Variants in GPR108 observed in about 807,000 individuals in gnomAD.
GPR108 encodes G protein-coupled receptor 108.
GPR108 carries 60 observed loss-of-function variants against 74.3 expected under a neutral mutation model. The observed-to-expected ratio is 0.81, with a 90% confidence interval of 0.66 to 1.00. GPR108 has a LOEUF of 1.00. Among genes scored for constraint, GPR108 ranks in the 50% least tolerant of loss-of-function variants. The pLI is 0.00. For synonymous variants in GPR108, 311 were observed against 292.4 expected, an observed-to-expected ratio of 1.06 and a Z score of -0.65; for missense variants, 667 against 703.3, an observed-to-expected ratio of 0.95 and a Z score of 0.58.
chr19:6,733,658 C>T lies in GPR108; in HGVS notation c.635G>A (p.Gly212Asp). ...SYNFSFHVVI[G>D]SQAEEGQYSL... is the part of the protein sequence containing the mutation. Reference sequence around the variant, plus strand: ...GTACTGGCCTTCTTCCGCCTGAGAGCCGATCACCACGTGGAACTGGGCGGG... The same window carrying T: ...GTACTGGCCTTCTTCCGCCTGAGAGTCGATCACCACGTGGAACTGGGCGGG... Residue 212 changes from glycine to aspartate, a missense_variant, in exon 8 of 18, where the codon GGC (glycine) becomes GAC (aspartate). Transcript: ENST00000264080. 2.5e-6 allele frequency: 4 copies of T among 1,614,102 alleles called. No homozygotes were observed. The East Asian group carries it at 8.9e-5, about 36-fold the overall frequency.
rs1365457026 is a variant in GPR108 at position 6,735,632 on chromosome 19, T to C, written c.364A>G (p.Lys122Glu). Residue 122 changes from lysine (K) to glutamate (E), a missense_variant, in exon 4 of 18, where the codon AAG (lysine) becomes GAG (glutamate). Coordinates refer to ENST00000264080, the MANE Select transcript of GPR108 (RefSeq NM_001080452.2). The stretch of plus-strand genomic sequence containing the variant: ...CGGTCCCCAACTCACTGCAGATCCT[T>C]GGTGTTGATGAGGAACAGGACCAGG... ...SFLVLFLINT[K>E]DLQVQVRKYG... 1.9e-6 allele frequency: 3 copies of C among 1,613,706 alleles called. No individual in the cohort carries two copies. Among genetic ancestry groups the C allele is most frequent in the African/African-American group, 1.3e-5 (1 of 74,832 alleles).
At chr19:6,733,977 C>A in intron 6 of GPR108, 28 bp downstream of exon 6, 1 of 1,614,126 alleles carries the variant, frequency 6.2e-7, no homozygotes, top group South Asian at 1.1e-5. Flanking sequence ...GGGTGTGCAT[C>A]TTCCCTCCTG....
intron 2 of GPR108, 51 bp downstream of exon 2, chr19:6,736,541 C>T (rs1206979754): frequency 3.8e-6 from 6 of 1,571,796 alleles, no homozygotes; most frequent in South Asian, 3.4e-5. Context: ...GAACCCAGAA[C>T]CGGGGGATTG....
chr19:6,733,880 C>T lies in GPR108; in HGVS notation c.583G>A (p.Gly195Ser), dbSNP rs1190180692. 1 of 1,613,984 alleles carries T rather than the reference C, an allele frequency of 6.2e-7. No homozygotes were observed. The highest frequency in any genetic ancestry group is 8.5e-7 in the Non-Finnish European group (1 of 1,179,988). ...TAGGAGTTGTTGAGGTGGCTCAGGC[C>T]CAACACCAGGTCCTTGTCCTTCCCA... ...PSGKDKDLVL[G>S]LSHLNNSYNF... Residue 195 changes from glycine (G) to serine (S), a missense_variant, in exon 7 of 18, where the codon GGC (glycine) becomes AGC (serine). Transcript: ENST00000264080.
chr19:6,733,343 C>T (rs367871050), intron 8 of GPR108, 42 bp from the exon 9 acceptor site: 16 of 1,594,578 alleles, frequency 1.0e-5, no homozygotes, highest in Middle Eastern at 1.7e-4. Flanking sequence ...GGGCACAGCC[C>T]GACCGCTGGC....
rs752787403 is a variant in GPR108, at chr19:6,732,676, C to T, written c.934-127G>A. ...TGGTCAGAAAGTTGAATAATGAGGA[C>T]GGTGGGTGGGACTCAAAACTGGTAA... On this transcript the variant is annotated intron_variant, in intron 10 of 17. Coordinates refer to ENST00000264080, the MANE Select transcript of GPR108 (RefSeq NM_001080452.2). 6.2e-5 allele frequency: 48 copies of T among 768,368 alleles called. 1 individual carries two copies. In the East Asian group the frequency reaches 8.3e-4, roughly 13 times the overall value. The allele number at this position is 768,368 out of a possible 1,614,324, so 47.6% of individuals were successfully genotyped here. A position where few individuals can be genotyped will look rare whatever the true frequency, so the allele number is the denominator to read the frequency against.
chr19:6,732,854 T>A, intron 10 of GPR108, 133 bp downstream of exon 10: 1 of 775,160 alleles, frequency 1.3e-6, no homozygotes, highest in South Asian at 1.7e-5. Context: ...CTGGCCACAC[T>A]GGTAAAATGG....
intron 8 of GPR108, 104 bp downstream of exon 8, chr19:6,733,466 C>T (rs1283560098): frequency 2.9e-5 from 39 of 1,359,032 alleles, no homozygotes; most frequent in Middle Eastern, 1.9e-4. Context: ...GCTCCTACTT[C>T]GCACCCGGGA....
At chr19:6,737,420 C>G in intron 1 of GPR108, 37 bp downstream of exon 1, 1 of 1,571,582 alleles carries the variant, frequency 6.4e-7, no homozygotes, top group Non-Finnish European at 8.6e-7. Context: ...GACAAAGTTG[C>G]GCCACCGACC....
At chr19:6,733,494 G>C in intron 8 of GPR108, 76 bp downstream of exon 8, 1 of 1,475,312 alleles carries the variant, frequency 6.8e-7, no homozygotes, top group African/African-American at 1.4e-5. Context: ...GAAAAGCTAA[G>C]CGGGGTGAGG....
intron 10 of GPR108, 56 bp from the exon 11 acceptor site, chr19:6,732,605 G>A (rs117789674): frequency 0.03 from 38,657 of 1,306,558 alleles, 870 homozygotes; most frequent in Middle Eastern, 0.066. Context: ...GGAGGCTGAT[G>A]GTGGTGGTGG....
At chr19:6,735,825 G>C in intron 3 of GPR108, 83 bp downstream of exon 3, 1 of 1,532,116 alleles carries the variant, frequency 6.5e-7, no homozygotes, top group Non-Finnish European at 8.9e-7. Flanking sequence ...AAGAACAGGG[G>C]CCCTTGGGTT....
Position 6,732,231 on chromosome 19 carries a change from C to G in GPR108, c.1125+32G>C, listed in dbSNP as rs765795455. ...CCCCCACTGCCCTGTGCAGCCCTCC[C>G]CGCCCTGCTCCGGAGGCTGCTCCAT... is the stretch of plus-strand genomic sequence containing the variant. On this transcript the variant is annotated intron_variant, in intron 12 of 17. Transcript: ENST00000264080. 3.1e-6 allele frequency: 5 copies of G among 1,611,502 alleles called. No homozygotes were observed. In the Admixed American group the frequency reaches 6.7e-5, roughly 21 times the overall value.
chr19:6,735,897 C>T lies in GPR108; in HGVS notation c.291+11G>A, dbSNP rs1334875457. ...GCCCCTTCTCCCGTCTTCCCCATGC[C>T]CTCCACTCACTGAATAGGAGCGAAC... On this transcript the variant is annotated intron_variant, in intron 3 of 17. Transcript: ENST00000264080. The T allele has an allele frequency of 6.8e-6, 11 of 1,611,216 alleles. No homozygotes were observed. The highest frequency in any genetic ancestry group is 9.3e-6 in the Non-Finnish European group (11 of 1,178,526).
intron 6 of GPR108, 24 bp downstream of exon 6, chr19:6,733,981 C>T: frequency 6.2e-7 from 1 of 1,614,174 alleles, no homozygotes; most frequent in Non-Finnish European, 8.5e-7. Flanking sequence ...GTGCATCTTC[C>T]CTCCTGCCCC....
Position 6,730,195 on chromosome 19 carries a change from G to A in GPR108, c.*117C>T. On this transcript the variant is annotated 3_prime_UTR_variant, in exon 18 of 18. Transcript: ENST00000264080. Reference sequence around the variant, plus strand: ...CTTGTCCGGGAACCGGGGTCCCGGGGAGCTGGGCGCCTGGTCCACATGGAC... The same window carrying A: ...CTTGTCCGGGAACCGGGGTCCCGGGAAGCTGGGCGCCTGGTCCACATGGAC... 1 of 953,184 alleles carries A rather than the reference G, an allele frequency of 1.0e-6. No homozygotes were observed. Among genetic ancestry groups the A allele is most frequent in the Non-Finnish European group, 1.7e-6 (1 of 597,574 alleles). 59.0% of individuals were successfully genotyped at this position (953,184 alleles called of 1,614,324 possible). A position where few individuals can be genotyped will look rare whatever the true frequency, so the allele number is the denominator to read the frequency against.
intron 4 of GPR108, 172 bp downstream of exon 4, chr19:6,735,450 G>T: frequency 1.6e-6 from 1 of 610,840 alleles, no homozygotes; most frequent in Non-Finnish European, 2.9e-6. Flanking sequence ...CAACACCCGC[G>T]GAGTCCCTCT....
At position 6,730,204 on chromosome 19, in the gene GPR108, G is replaced by T; in HGVS notation, c.*108C>A. On this transcript the variant is annotated 3_prime_UTR_variant, in exon 18 of 18. Transcript: ENST00000264080. Reference sequence around the variant, plus strand: ...GAACCGGGGTCCCGGGGAGCTGGGCGCCTGGTCCACATGGACCCCCTCCAC... The same window carrying T: ...GAACCGGGGTCCCGGGGAGCTGGGCTCCTGGTCCACATGGACCCCCTCCAC... 1 of 1,045,272 alleles carries T rather than the reference G, an allele frequency of 9.6e-7. No homozygotes were observed. Among genetic ancestry groups the T allele is most frequent in the African/African-American group, 1.6e-5 (1 of 63,310 alleles). 64.7% of individuals were successfully genotyped at this position (1,045,272 alleles called of 1,614,324 possible). A position where few individuals can be genotyped will look rare whatever the true frequency, so the allele number is the denominator to read the frequency against.
Position 6,736,644 on chromosome 19 carries a change from T to A in GPR108, c.188A>T (p.Glu63Val), listed in dbSNP as rs1213089164. Reference sequence around the variant, plus strand: ...GAGGCCCAGCCGCAGGACGCTCAACTCCACCTCCAGAGAGCCATTGGTGTA... The same window carrying A: ...GAGGCCCAGCCGCAGGACGCTCAACACCACCTCCAGAGAGCCATTGGTGTA... ...GFYTNGSLEV[E>V]LSVLRLGLRE... is the part of the protein sequence containing the mutation. The change falls in exon 2 of 18, where the codon GAG becomes GTG. Residue 63 changes from glutamate (E) to valine (V), a missense_variant. Coordinates refer to ENST00000264080, the MANE Select transcript of GPR108 (RefSeq NM_001080452.2). 1 of 1,614,014 alleles carries A rather than the reference T, an allele frequency of 6.2e-7. No homozygotes were observed. The highest frequency in any genetic ancestry group is 2.2e-5 in the East Asian group (1 of 44,884).
Sources: gnomAD v4.1 joint callset for allele counts on GRCh38, gnomAD v4.1.1 for gene constraint, MANE v1.5 for transcripts, NCBI Gene and HGNC (gene_info 2026-07-23, HGNC 2026-07-21) for gene names.